Variants in CAMK4 observed in about 807,000 individuals in gnomAD.
CAMK4 encodes the protein calcium/calmodulin dependent protein kinase IV.
Under a neutral mutation model 44.9 loss-of-function variants are expected in CAMK4, and 22 were observed. That is an observed-to-expected ratio of 0.49 (90% CI 0.35 to 0.70). CAMK4 has a LOEUF of 0.70. CAMK4 is among the 30% of genes least tolerant of loss of function. CAMK4 has a pLI of 0.01. For missense variants in CAMK4, 498 were observed against 586.8 expected (o/e 0.85, Z 1.56); for synonymous variants, 218 against 215.4 (o/e 1.01, Z -0.11).
intron 1 of CAMK4, among the ~76,000 whole-genome samples, chr5:111,299,614 A>G (rs1410024178): frequency 1.3e-5 from 2 of 152,226 alleles, no homozygotes; most frequent in East Asian, 3.8e-4. Flanking sequence ...TTTTGAATAT[A>G]TTGATTATAT....
chr5:111,476,243 GTGTGTGTGTGTGTGTGTGTGTGTGTGTT>G (rs1755232596), intron 8 of CAMK4, among the ~76,000 whole-genome samples: 2 of 87,426 alleles, frequency 2.3e-5, no homozygotes, highest in Non-Finnish European at 5.1e-5. Flanking sequence ...GCTTCTTTGT[GTGTGTGTGTGTGTGTGTGTGTGTGTGTT>G]TGTGTGTGTG....
At chr5:111,382,320 A>G (rs906667789) in intron 4 of CAMK4, among the ~76,000 whole-genome samples, 2 of 152,200 alleles carry the variant, frequency 1.3e-5, no homozygotes, top group Non-Finnish European at 2.9e-5. Flanking sequence ...TTGAATTTTC[A>G]GGGCATTGCT....
Position 111,312,839 on chromosome 5 carries a change from T to C in CAMK4, c.162-31185T>C, listed in dbSNP as rs1035585939. 4.6e-5 allele frequency among the ~76,000 whole-genome samples: 7 copies of C among 152,246 alleles called. 1 individual carries two copies. The highest frequency in any genetic ancestry group is 1.9e-4 in the East Asian group (1 of 5,188). On this transcript the variant is annotated intron_variant, in intron 1 of 10. Coordinates refer to ENST00000282356, the MANE Select transcript of CAMK4 (RefSeq NM_001744.6). ...TCATATGGTATCTTCTCTGGGACAA[T>C]CTTTGGAGCATTGGCTCCAGTATAC... is the stretch of plus-strand genomic sequence containing the variant.
intron 1 of CAMK4, among the ~76,000 whole-genome samples, chr5:111,262,526 A>T (rs545339911): frequency 6.6e-6 from 1 of 152,230 alleles, no homozygotes; most frequent in Non-Finnish European, 1.5e-5. Context: ...AAGGAAACAC[A>T]TTTTAAAAAG....
chr5:111,316,986 T>C (rs1323762775), intron 1 of CAMK4, among the ~76,000 whole-genome samples: 2 of 152,136 alleles, frequency 1.3e-5, no homozygotes, highest in Non-Finnish European at 2.9e-5. Flanking sequence ...GAATTCGTCT[T>C]GAAATTTCTA....
chr5:111,252,604 A>G (rs1243190649), intron 1 of CAMK4, among the ~76,000 whole-genome samples: 1 of 152,220 alleles, frequency 6.6e-6, no homozygotes. Context: ...TAAGAACTCT[A>G]CAATGATATT....
In CAMK4 at chr5:111,224,480, G is replaced by A. The variant is rs781692773; in HGVS notation, c.-4G>A. ...GCGGCGGCTTCCGGAGTCCCGCTGC[G>A]AAGATGCTCAAAGTCACGGTGCCCT... On this transcript the variant is annotated 5_prime_UTR_variant, in exon 1 of 11. Coordinates refer to ENST00000282356, the MANE Select transcript of CAMK4 (RefSeq NM_001744.6). This position sits in a 1 kb window ranked among gnomAD's most constrained non-coding sequence, Gnocchi z 5.7. 4 of 1,597,166 alleles carry A rather than the reference G, an allele frequency of 2.5e-6. No homozygotes were observed. Among genetic ancestry groups the A allele is most frequent in the South Asian group, 2.2e-5 (2 of 89,642 alleles).
intron 1 of CAMK4, among the ~76,000 whole-genome samples, chr5:111,239,168 C>G (rs1000597693): frequency 3.3e-5 from 5 of 152,170 alleles, no homozygotes; most frequent in Non-Finnish European, 7.3e-5. Flanking sequence ...GGGGACCTCT[C>G]TCAGGACTAG....
intron 5 of CAMK4, among the ~76,000 whole-genome samples, chr5:111,424,569 C>T (rs1001870966): frequency 3.3e-5 from 5 of 150,274 alleles, no homozygotes; most frequent in African/African-American, 4.9e-5. Flanking sequence ...CTCAGCCTCG[C>T]GAATAGCTGG....
rs538256026 is a variant in CAMK4 at position 111,234,604 on chromosome 5, T to C, written c.161+9960T>C. On this transcript the variant is annotated intron_variant, in intron 1 of 10. Transcript: ENST00000282356. ...GCTAAAGGCACTGACCTAAAGTGTT[T>C]TGTGGACAGTACTTGAAGAGTTGTG... 2.6e-5 allele frequency among the ~76,000 whole-genome samples: 4 copies of C among 152,328 alleles called. No homozygotes were observed. The East Asian group carries it at 7.7e-4, about 29-fold the overall frequency.
At chr5:111,424,278 G>A (rs1007309466) in intron 5 of CAMK4, among the ~76,000 whole-genome samples, 5 of 152,150 alleles carry the variant, frequency 3.3e-5, no homozygotes, top group African/African-American at 1.2e-4. Context: ...TGCACCAGGT[G>A]TGCCTGTTTA....
rs5870437 is a variant in CAMK4 at position 111,278,380 on chromosome 5, G to GTT, written c.161+53743_161+53744dup. 7.9e-5 allele frequency among the ~76,000 whole-genome samples: 12 copies of GTT among 151,904 alleles called. No homozygotes were observed. In the South Asian group the frequency reaches 1.7e-3, roughly 21 times the overall value. ...GAAATTAGGAGAATCAGGCTTGTTT[G>GTT]TTTTTTTTACAGTGCAGCTTAAATA... On this transcript the variant is annotated intron_variant, in intron 1 of 10. Coordinates refer to ENST00000282356, the MANE Select transcript of CAMK4 (RefSeq NM_001744.6).
chr5:111,378,999 A>ACT (rs10639537), intron 4 of CAMK4, among the ~76,000 whole-genome samples: 133,651 of 151,982 alleles, frequency 0.88, 58,988 homozygotes, highest in East Asian at 1. Context: ...TCTTTAGCTG[A>ACT]CTTTTTTATG....
chr5:111,327,470 T>C (rs13163113), intron 1 of CAMK4, among the ~76,000 whole-genome samples: 70,149 of 148,736 alleles, frequency 0.47, 16,360 homozygotes, highest in Admixed American at 0.52. Flanking sequence ...AATAAACATA[T>C]GTGTGCATGT....
At chr5:111,318,341 A>G (rs1748521330) in intron 1 of CAMK4, among the ~76,000 whole-genome samples, 1 of 152,176 alleles carries the variant, frequency 6.6e-6, no homozygotes, top group African/African-American at 2.4e-5. Flanking sequence ...GTCAGGTAAT[A>G]AAATCCCAGA....
At chr5:111,257,857 GA>G (rs985245517) in intron 1 of CAMK4, among the ~76,000 whole-genome samples, 1 of 152,154 alleles carries the variant, frequency 6.6e-6, no homozygotes, top group Non-Finnish European at 1.5e-5. Flanking sequence ...GACATGGATG[GA>G]CCTGGAAGCC....
chr5:111,380,800 AAAG>A (rs1561451683), intron 4 of CAMK4, among the ~76,000 whole-genome samples: 1 of 152,210 alleles, frequency 6.6e-6, no homozygotes, highest in African/African-American at 2.4e-5. Flanking sequence ...ACCTTCCAAA[AAAG>A]GAGATTTTCT....
At chr5:111,273,198 A>G (rs1750589486) in intron 1 of CAMK4, among the ~76,000 whole-genome samples, 1 of 152,132 alleles carries the variant, frequency 6.6e-6, no homozygotes, top group Non-Finnish European at 1.5e-5. Flanking sequence ...ATTTGTTACC[A>G]TCTCATGCTA....
At chr5:111,348,986 T>C (rs773048319) in intron 2 of CAMK4, among the ~76,000 whole-genome samples, 68 of 152,130 alleles carry the variant, frequency 4.5e-4, no homozygotes, top group Middle Eastern at 3.4e-3. Flanking sequence ...ACCCTGGATA[T>C]TTCCTGTAAC....
Sources: allele counts gnomAD v4.1 joint callset (sites outside exome capture counted in the v4.1 genomes callset), GRCh38; gene constraint gnomAD v4.1.1; non-coding constraint Gnocchi (gnomAD v3.1); transcripts MANE v1.5; gene names NCBI Gene and HGNC (gene_info 2026-07-23, HGNC 2026-07-21).